KSR1: variants seen among roughly 807,000 people sequenced by gnomAD.
KSR1 encodes kinase suppressor of ras.
A neutral mutation model predicts 92.9 loss-of-function variants in KSR1; 35 were observed. That is an observed-to-expected ratio of 0.38 (90% CI 0.29 to 0.50). The LOEUF is 0.50. Ranked by LOEUF, KSR1 falls within the 20% of genes least tolerant of loss-of-function variation. The pLI is 0.94. For synonymous variants in KSR1, 467 were observed against 472.6 expected (o/e 0.99, Z 0.15); for missense variants, 972 against 1,158.5 (o/e 0.84, Z 2.34).
At chr17:27,515,632 T>C (rs1219902062) in intron 1 of KSR1, among the ~76,000 whole-genome samples, 3 of 149,088 alleles carry the variant, frequency 2.0e-5, no homozygotes, top group Non-Finnish European at 4.4e-5. Flanking sequence ...TTTTTTTTTT[T>C]CATTTATTCC....
chr17:27,597,809 CCAGCAACA>C (rs1338876561), intron 10 of KSR1, among the ~76,000 whole-genome samples: 3 of 152,288 alleles, frequency 2.0e-5, no homozygotes, highest in African/African-American at 7.2e-5. Context: ...GGAGGCATGG[CCAGCAACA>C]CAGGGAGCTA....
chr17:27,552,873 G>A (rs1214757032), intron 2 of KSR1, among the ~76,000 whole-genome samples: 3 of 152,174 alleles, frequency 2.0e-5, no homozygotes, highest in African/African-American at 7.2e-5. Flanking sequence ...CACATCTGGC[G>A]TGTCATGATG....
chr17:27,517,847 G>T (rs570803252), intron 1 of KSR1, among the ~76,000 whole-genome samples: 2 of 152,170 alleles, frequency 1.3e-5, no homozygotes, highest in Non-Finnish European at 2.9e-5. Context: ...TAATTGTGGG[G>T]GTTGTAAGCT....
rs982112090 is a variant in KSR1, at chr17:27,550,810, T to C, written c.372+102T>C. 10 of 661,970 alleles carry C rather than the reference T, an allele frequency of 1.5e-5. No individual in the cohort carries two copies. In the Admixed American group the frequency reaches 2.1e-4, roughly 14 times the overall value. 41.0% of individuals were successfully genotyped at this position (661,970 alleles called of 1,614,324 possible). ...GCTTCCCCGTGGCTAAGACTAAGGG[T>C]TGATGCTCTCTAGTCTTGAGAAGGA... On this transcript the variant is annotated intron_variant, in intron 2 of 20. Coordinates refer to ENST00000644974, the MANE Select transcript of KSR1 (RefSeq NM_001394583.1).
chr17:27,464,078 A>C (rs1458125369), intron 1 of KSR1, among the ~76,000 whole-genome samples: 2 of 152,162 alleles, frequency 1.3e-5, no homozygotes, highest in African/African-American at 4.8e-5. Context: ...TGATTAAGAC[A>C]TTATACCACC....
intron 7 of KSR1, among the ~76,000 whole-genome samples, chr17:27,591,147 G>T (rs2073152647): frequency 6.6e-6 from 1 of 152,170 alleles, no homozygotes; most frequent in Non-Finnish European, 1.5e-5. Context: ...TTGTACTAAG[G>T]CCTGGAGGAA....
intron 17 of KSR1, 27 bp downstream of exon 17, chr17:27,610,225 C>T: frequency 6.2e-7 from 1 of 1,613,146 alleles, no homozygotes; most frequent in Non-Finnish European, 8.5e-7. Context: ...TGCCCTGAGG[C>T]CAAGTGTGGC....
intron 1 of KSR1, among the ~76,000 whole-genome samples, chr17:27,460,632 A>T (rs2019389765): frequency 6.6e-6 from 1 of 152,098 alleles, no homozygotes; most frequent in Non-Finnish European, 1.5e-5. Flanking sequence ...AGGGGGTCAG[A>T]GGGGAGGCCC....
intron 1 of KSR1, among the ~76,000 whole-genome samples, chr17:27,476,355 C>A (rs533053477): frequency 4.6e-5 from 7 of 152,334 alleles, no homozygotes; most frequent in Admixed American, 4.6e-4. Flanking sequence ...GTTGCCACCC[C>A]CTCCTGAGGG....
At chr17:27,609,095 A>G in intron 15 of KSR1, 101 bp from the exon 16 acceptor site, 1 of 1,337,368 alleles carries the variant, frequency 7.5e-7, no homozygotes, top group Non-Finnish European at 1.0e-6. Flanking sequence ...TACTGCATGG[A>G]ATTGTGAAGA....
At chr17:27,517,901 T>C (rs2069866170) in intron 1 of KSR1, among the ~76,000 whole-genome samples, 1 of 152,202 alleles carries the variant, frequency 6.6e-6, no homozygotes, top group African/African-American at 2.4e-5. Context: ...TGATTTCAGA[T>C]ATAGGCAAGA....
intron 2 of KSR1, among the ~76,000 whole-genome samples, chr17:27,570,577 T>A (rs1324198551): frequency 1.3e-5 from 2 of 152,204 alleles, no homozygotes; most frequent in Non-Finnish European, 2.9e-5. Flanking sequence ...AAGCCAATCC[T>A]GAAGGTTCCA....
chr17:27,623,524 G>T lies in KSR1; in HGVS notation c.*132G>T. 1.5e-6 allele frequency: 1 copy of T among 682,030 alleles called. No individual in the cohort carries two copies. Among genetic ancestry groups the T allele is most frequent in the Non-Finnish European group, 2.6e-6 (1 of 379,124 alleles). The allele number at this position is 682,030 out of a possible 1,614,324, so 42.2% of individuals were successfully genotyped here. A position where few individuals can be genotyped will look rare whatever the true frequency, so the allele number is the denominator to read the frequency against. ...ACCAGGAGCACACGTCCTAGATTCA[G>T]ACTGTTGGCCATAAACCCCACTCGG... On this transcript the variant is annotated 3_prime_UTR_variant, in exon 21 of 21. Coordinates refer to ENST00000644974, the MANE Select transcript of KSR1 (RefSeq NM_001394583.1).
intron 1 of KSR1, chr17:27,465,141 A>G (rs1404908431): frequency 1.3e-5 from 2 of 151,690 alleles, no homozygotes; most frequent in Non-Finnish European, 2.9e-5. Context: ...ATTTGTTGTC[A>G]TTTATTCCCA....
At chr17:27,511,763 G>A (rs1206267862) in intron 1 of KSR1, among the ~76,000 whole-genome samples, 1 of 152,220 alleles carries the variant, frequency 6.6e-6, no homozygotes, top group Non-Finnish European at 1.5e-5. Context: ...GGGCTCTCAG[G>A]GTCAGACTCC....
At position 27,573,704 on chromosome 17, in the gene KSR1, A is replaced by G. The variant is rs539775460; in HGVS notation, c.373-3788A>G. Among the ~76,000 whole-genome samples, 6 of 152,348 alleles carry G rather than the reference A, an allele frequency of 3.9e-5. No homozygotes were observed. In the South Asian group the frequency reaches 1.2e-3, roughly 32 times the overall value. On this transcript the variant is annotated intron_variant, in intron 2 of 20. Coordinates refer to ENST00000644974, the MANE Select transcript of KSR1 (RefSeq NM_001394583.1). The stretch of plus-strand genomic sequence containing the variant: ...TTTGCCAGGTTAACAAGTGGACAGC[A>G]TGGAATATTTGGAGGAGGTTTGGAA...
intron 4 of KSR1, among the ~76,000 whole-genome samples, chr17:27,585,387 A>T: frequency 6.6e-6 from 1 of 152,122 alleles, no homozygotes; most frequent in East Asian, 1.9e-4. Flanking sequence ...GGCGAGGCTT[A>T]CGTAAGCTAA....
intron 1 of KSR1, among the ~76,000 whole-genome samples, chr17:27,476,839 A>T (rs2068362610): frequency 6.6e-6 from 1 of 152,200 alleles, no homozygotes; most frequent in East Asian, 1.9e-4. Context: ...AGGGGTCCCG[A>T]TCCAGACCCC....
intron 1 of KSR1, among the ~76,000 whole-genome samples, chr17:27,506,475 C>T (rs574908650): frequency 2.0e-5 from 3 of 152,258 alleles, no homozygotes; most frequent in South Asian, 2.1e-4. Flanking sequence ...GCCTGATACT[C>T]GATTATGTGG....
Sources: allele counts gnomAD v4.1 joint callset (sites outside exome capture counted in the v4.1 genomes callset), GRCh38; gene constraint gnomAD v4.1.1; transcripts MANE v1.5; gene names NCBI Gene and HGNC (gene_info 2026-07-23, HGNC 2026-07-21).